The following EML4 variants were observed in gnomAD, a reference collection of about 807,000 sequenced individuals.
The protein encoded by EML4 is echinoderm microtubule-associated protein-like 4.
Under a neutral mutation model 129.0 loss-of-function variants are expected in EML4, and 72 were observed. The observed-to-expected ratio is 0.56, with a 90% CI of 0.46 to 0.68. The LOEUF (loss-of-function observed/expected upper bound fraction) is 0.68, where lower values mean the gene tolerates loss of function less well. Among genes scored for constraint, EML4 ranks in the 30% least tolerant of loss-of-function variants. The probability of loss-of-function intolerance (pLI) is 0.00; values close to 1 mark genes in which losing one functional copy is unlikely to be tolerated. For missense variants in EML4, 1,363 were observed against 1,190.6 expected (o/e 1.14, Z -2.13); for synonymous variants, 532 against 405.0 (o/e 1.31, Z -3.77).
intron 11 of EML4, chr2:42,289,958 T>A (rs552594835): frequency 6.0e-5 from 9 of 149,336 alleles, no homozygotes; most frequent in African/African-American, 2.2e-4. Flanking sequence ...ATGGTGGCAG[T>A]TGCTTGTAAC....
chr2:42,174,677 A>T (rs771663553), intron 1 of EML4, among the ~76,000 whole-genome samples: 1 of 152,188 alleles, frequency 6.6e-6, no homozygotes, highest in Admixed American at 6.5e-5. Context: ...TGCATGCTGT[A>T]TATGATTTTT....
intron 6 of EML4, among the ~76,000 whole-genome samples, chr2:42,269,524 A>C (rs991151491): frequency 9.2e-5 from 14 of 152,210 alleles, no homozygotes; most frequent in African/African-American, 3.4e-4. Context: ...ACAGATAAAT[A>C]CTTCATATGT....
intron 1 of EML4, among the ~76,000 whole-genome samples, chr2:42,236,654 C>T (rs1187136883): frequency 1.3e-5 from 2 of 152,128 alleles, no homozygotes; most frequent in African/African-American, 4.8e-5. Context: ...TTGACTCCTA[C>T]TTTAGGTTAG....
chr2:42,277,355 A>G (rs1296397647), intron 6 of EML4, among the ~76,000 whole-genome samples: 1 of 152,206 alleles, frequency 6.6e-6, no homozygotes, highest in Non-Finnish European at 1.5e-5. Context: ...GAATATTTAC[A>G]GCTGGTCATT....
intron 1 of EML4, among the ~76,000 whole-genome samples, chr2:42,241,823 G>C: frequency 6.7e-6 from 1 of 149,394 alleles, no homozygotes; most frequent in East Asian, 2.0e-4. Context: ...TATTTAGTTT[G>C]AGCTATTTCC....
At chr2:42,270,653 G>T (rs1666312941) in intron 6 of EML4, among the ~76,000 whole-genome samples, 1 of 152,192 alleles carries the variant, frequency 6.6e-6, no homozygotes, top group South Asian at 2.1e-4. Flanking sequence ...TCTGTATATT[G>T]TGTCACCTAT....
chr2:42,250,252 A>AT (rs1675675819), intron 2 of EML4, among the ~76,000 whole-genome samples: 1 of 152,252 alleles, frequency 6.6e-6, no homozygotes, highest in Non-Finnish European at 1.5e-5. Context: ...CAAAGGCAAA[A>AT]TTGAAATATA....
intron 17 of EML4, among the ~76,000 whole-genome samples, chr2:42,311,553 TG>T (rs1668951741): frequency 6.6e-6 from 1 of 151,516 alleles, no homozygotes; most frequent in Non-Finnish European, 1.5e-5. Flanking sequence ...AAAAAAAAAA[TG>T]GTAATAATTT....
chr2:42,192,377 T>A (rs1027039807), intron 1 of EML4, among the ~76,000 whole-genome samples: 6 of 151,714 alleles, frequency 4.0e-5, no homozygotes, highest in Admixed American at 2.6e-4. Context: ...GTAGGTGGGA[T>A]TGCAGGCACC....
At chr2:42,176,694 T>C (rs1354621368) in intron 1 of EML4, among the ~76,000 whole-genome samples, 21 of 152,386 alleles carry the variant, frequency 1.4e-4, no homozygotes, top group African/African-American at 1.2e-4. Context: ...GGGGTACTTA[T>C]TGCAGAATGT....
intron 3 of EML4, among the ~76,000 whole-genome samples, chr2:42,257,631 C>T (rs927944999): frequency 1.3e-5 from 2 of 151,970 alleles, no homozygotes; most frequent in Non-Finnish European, 2.9e-5. Context: ...GTCAGGAGAT[C>T]GAGACCATCC....
At chr2:42,254,390 C>T (rs1432869768) in intron 2 of EML4, among the ~76,000 whole-genome samples, 3 of 150,112 alleles carry the variant, frequency 2.0e-5, no homozygotes, top group Middle Eastern at 3.2e-3. Context: ...CCCGGGAGGC[C>T]GTGGCAGCAG....
intron 1 of EML4, among the ~76,000 whole-genome samples, chr2:42,197,094 G>T (rs774553665): frequency 1.1e-4 from 16 of 152,170 alleles, no homozygotes; most frequent in Non-Finnish European, 2.1e-4. Flanking sequence ...TTTTGAGACA[G>T]GGTCGCACTC....
At position 42,288,248 on chromosome 2, in the gene EML4, A is replaced by G. The variant is rs10202624; in HGVS notation, c.1144A>G (p.Ile382Val). The G allele has an allele frequency of 0.89, 1,346,533 of 1,515,400 alleles. 602,665 individuals carry two copies. The highest frequency in any genetic ancestry group is 0.94 in the African/African-American group (68,589 of 72,780). 93.9% of individuals were successfully genotyped at this position (1,515,400 alleles called of 1,614,324 possible). ...TTAGGATTCAGGTGTTCATTTATGT[A>G]TTATTGATGACTCCAATGAGCATAT... The part of the protein sequence containing the change: ...SKADSGVHLC[I>V]IDDSNEHMLT... Residue 382 changes from isoleucine to valine, a missense_variant, in exon 11 of 23, where the codon ATT (isoleucine) becomes GTT (valine). By Grantham distance (29) the Ile-to-Val change is conservative (BLOSUM62 3). Transcript: ENST00000318522.
chr2:42,303,141 A>G lies in EML4; in HGVS notation c.1679A>G (p.Glu560Gly), dbSNP rs746331644. 2.5e-6 allele frequency: 4 copies of G among 1,614,050 alleles called. No individual in the cohort carries two copies. The African/African-American group carries it at 5.3e-5, about 22-fold the overall frequency. ...DQYGTIRAVA[E>G]GKADQFLVGT... Reference sequence around the variant, plus strand: ...TATGGCACAATCAGAGCTGTAGCAGAAGGAAAGGCAGATCAATTTTTAGTA... The same window carrying G: ...TATGGCACAATCAGAGCTGTAGCAGGAGGAAAGGCAGATCAATTTTTAGTA... The change falls in exon 15 of 23, where the codon GAA (glutamate) becomes GGA (glycine). Residue 560 changes from glutamate (E) to glycine (G), a missense_variant. Coordinates refer to ENST00000318522, the MANE Select transcript of EML4 (RefSeq NM_019063.5).
rs544694817 is a variant in EML4 at position 42,210,995 on chromosome 2, C to G, written c.26-34510C>G. Among the ~76,000 whole-genome samples the G allele has an allele frequency of 1.1e-4, 16 of 152,280 alleles. No homozygotes were observed. The East Asian group carries it at 2.9e-3, about 28-fold the overall frequency. ...GAGAGGTATTAGGAACTGAGACTTT[C>G]TTCTCAAAGTAATCAGAAGGTCCAT... On this transcript the variant is annotated intron_variant, in intron 1 of 22. Transcript: ENST00000318522.
At chr2:42,182,527 C>G (rs1671009627) in intron 1 of EML4, among the ~76,000 whole-genome samples, 1 of 152,128 alleles carries the variant, frequency 6.6e-6, no homozygotes, top group Admixed American at 6.5e-5. Context: ...TACACACTTG[C>G]CTTGCACTGG....
At chr2:42,180,216 G>A (rs1386698801) in intron 1 of EML4, among the ~76,000 whole-genome samples, 4 of 152,034 alleles carry the variant, frequency 2.6e-5, no homozygotes, top group Non-Finnish European at 4.4e-5. Flanking sequence ...ATAAAACTGC[G>A]GCTCCAAGAA....
intron 2 of EML4, among the ~76,000 whole-genome samples, chr2:42,248,220 C>A (rs937301511): frequency 2.0e-5 from 3 of 152,032 alleles, no homozygotes; most frequent in African/African-American, 7.3e-5. Context: ...AAGTGATCTA[C>A]CTTGGTCTCC....
Sources: gnomAD v4.1 joint callset for allele counts (sites outside exome capture counted in the v4.1 genomes callset) on GRCh38, gnomAD v4.1.1 for gene constraint, MANE v1.5 for transcripts, NCBI Gene and HGNC (gene_info 2026-07-23, HGNC 2026-07-21) for gene names.